Variants in USH2A observed in about 807,000 individuals in gnomAD.
USH2A encodes usherin.
In USH2A, 443 loss-of-function variants were observed where a neutral mutation model predicts 538.9. The observed-to-expected ratio is 0.82, with a 90% CI of 0.76 to 0.89. The LOEUF (loss-of-function observed/expected upper bound fraction) is 0.89, where lower values mean the gene tolerates loss of function less well. Among genes scored for constraint, USH2A ranks in the 40% least tolerant of loss-of-function variants. The pLI is 0.00. For missense variants in USH2A, 6,633 were observed against 6,324.8 expected (o/e 1.05, Z -1.65); for synonymous variants, 2,413 against 2,273.5 (o/e 1.06, Z -1.75).
chr1:215,657,016 G>A (rs1242887256), intron 64 of USH2A, among the ~76,000 whole-genome samples: 1 of 152,160 alleles, frequency 6.6e-6, no homozygotes, highest in African/African-American at 2.4e-5. Flanking sequence ...TCCCATGAGG[G>A]GGACAAATAG....
chr1:215,846,624 A>C (rs1191222199), intron 44 of USH2A, among the ~76,000 whole-genome samples: 1 of 152,184 alleles, frequency 6.6e-6, no homozygotes, highest in Admixed American at 6.5e-5. Context: ...TCCTTTAAAT[A>C]TTTTAATTTT....
At chr1:216,224,026 C>A (rs892153934) in intron 14 of USH2A, among the ~76,000 whole-genome samples, 21 of 152,286 alleles carry the variant, frequency 1.4e-4, no homozygotes, top group African/African-American at 4.6e-4. Context: ...GGTGTCCTAC[C>A]CTCTATGGAC....
In USH2A at chr1:215,647,574, G is replaced by A. The variant is rs774695239; in HGVS notation, c.14739C>T (p.Asn4913=). 7.4e-6 allele frequency: 12 copies of A among 1,614,088 alleles called. No individual in the cohort carries two copies. In the Admixed American group the frequency reaches 8.3e-5, roughly 11 times the overall value. Residue 4913 remains asparagine, a synonymous_variant, in exon 67 of 72, where the codon AAC becomes AAT. Coordinates refer to ENST00000307340, the MANE Select transcript of USH2A (RefSeq NM_206933.4). The part of the protein sequence containing the change: ...TTYKLRVVAH[N]EVGSTASEWI... Reference sequence around the variant, plus strand: ...ACTCGGAAGCCGTACTGCCCACCTCGTTGTGTGCCACCACTCTCAGCTTGT... The same window carrying A: ...ACTCGGAAGCCGTACTGCCCACCTCATTGTGTGCCACCACTCTCAGCTTGT...
At position 215,872,326 on chromosome 1, in the gene USH2A, T is replaced by G. The variant is rs7340076; in HGVS notation, c.8682-5156A>C. Among the ~76,000 whole-genome samples the G allele has an allele frequency of 7.0e-3, 1,072 of 152,312 alleles. 20 individuals are homozygous for G. Among genetic ancestry groups the G allele is most frequent in the African/African-American group, 0.025 (1,030 of 41,572 alleles). On this transcript the variant is annotated intron_variant, in intron 43 of 71. Coordinates refer to ENST00000307340, the MANE Select transcript of USH2A (RefSeq NM_206933.4). ...AAAATCTATTTGTTGATTCTAAAAA[T>G]AGTATTGAAGATTTTTGCTTCAAAA...
At position 216,041,183 on chromosome 1, in the gene USH2A, A is replaced by C. The variant is rs2030258325; in HGVS notation, c.6325+5248T>G. Among the ~76,000 whole-genome samples the C allele has an allele frequency of 2.6e-5, 4 of 152,056 alleles. No homozygotes were observed. The South Asian group carries it at 8.3e-4, about 31-fold the overall frequency. On this transcript the variant is annotated intron_variant, in intron 32 of 71. Coordinates refer to ENST00000307340, the MANE Select transcript of USH2A (RefSeq NM_206933.4). Reference sequence around the variant, plus strand: ...AAAAGTTTGACTTAAAGTGTGTGCTATTTATTATAGCAAACATCAACAGCC... The same window carrying C: ...AAAAGTTTGACTTAAAGTGTGTGCTCTTTATTATAGCAAACATCAACAGCC...
chr1:216,144,248 G>A (rs940438035), intron 21 of USH2A, among the ~76,000 whole-genome samples: 2 of 151,970 alleles, frequency 1.3e-5, no homozygotes, highest in African/African-American at 4.8e-5. Flanking sequence ...CGACCCTTTT[G>A]GAGAACAAAG....
At chr1:216,350,074 T>C (rs557812378) in intron 4 of USH2A, among the ~76,000 whole-genome samples, 1 of 152,014 alleles carries the variant, frequency 6.6e-6, no homozygotes, top group Non-Finnish European at 1.5e-5. Flanking sequence ...AGCAGGTACA[T>C]CACATGTGGA....
intron 4 of USH2A, among the ~76,000 whole-genome samples, chr1:216,337,649 A>C (rs528693613): frequency 6.6e-6 from 1 of 151,458 alleles, no homozygotes; most frequent in African/African-American, 2.4e-5. Flanking sequence ...TTTTTTTTCC[A>C]AGATTGTTAA....
chr1:216,255,391 C>A (rs950381555), intron 11 of USH2A, among the ~76,000 whole-genome samples: 1 of 152,154 alleles, frequency 6.6e-6, no homozygotes, highest in Non-Finnish European at 1.5e-5. Context: ...CTAAGTCCTG[C>A]CATATTGGGT....
At chr1:216,272,077 T>C (rs1558356065) in intron 11 of USH2A, among the ~76,000 whole-genome samples, 1 of 152,180 alleles carries the variant, frequency 6.6e-6, no homozygotes, top group South Asian at 2.1e-4. Context: ...TGTGTAGGAC[T>C]AATATTATTT....
chr1:216,149,973 C>A (rs898102812), intron 21 of USH2A, among the ~76,000 whole-genome samples: 2 of 152,258 alleles, frequency 1.3e-5, no homozygotes, highest in Non-Finnish European at 2.9e-5. Context: ...TTCCCTTAAA[C>A]TCACTCGTAT....
intron 21 of USH2A, among the ~76,000 whole-genome samples, chr1:216,146,645 C>T (rs539349312): frequency 1.4e-4 from 22 of 152,118 alleles, no homozygotes; most frequent in African/African-American, 5.1e-4. Context: ...CTCTGTGCCC[C>T]AATCCCTTAT....
At chr1:216,037,653 C>A (rs2030049266) in intron 32 of USH2A, among the ~76,000 whole-genome samples, 1 of 152,050 alleles carries the variant, frequency 6.6e-6, no homozygotes, top group Non-Finnish European at 1.5e-5. Flanking sequence ...ACAGTTTTGG[C>A]ACCCACTAAG....
intron 3 of USH2A, among the ~76,000 whole-genome samples, chr1:216,386,995 T>A (rs1181471227): frequency 6.6e-6 from 1 of 152,220 alleles, no homozygotes. Flanking sequence ...TGAAAACTCT[T>A]GACAGATCAT....
chr1:216,407,822 A>G (rs1168615253), intron 3 of USH2A, among the ~76,000 whole-genome samples: 2 of 152,142 alleles, frequency 1.3e-5, no homozygotes, highest in African/African-American at 4.8e-5. Flanking sequence ...TATAAATGAC[A>G]ATTCCATTAG....
intron 37 of USH2A, among the ~76,000 whole-genome samples, chr1:215,949,308 A>C (rs75925210): frequency 0.032 from 4,869 of 152,178 alleles, 120 homozygotes; most frequent in South Asian, 0.084. Context: ...GTAAATGGAA[A>C]AATAACACAT....
At chr1:215,809,674 A>G (rs1662608286) in intron 49 of USH2A, among the ~76,000 whole-genome samples, 1 of 152,256 alleles carries the variant, frequency 6.6e-6, no homozygotes, top group Admixed American at 6.6e-5. Flanking sequence ...ACCCACATTA[A>G]CATTTACTTG....
At chr1:216,111,566 A>G (rs2032870966) in intron 21 of USH2A, among the ~76,000 whole-genome samples, 1 of 152,090 alleles carries the variant, frequency 6.6e-6, no homozygotes, top group Non-Finnish European at 1.5e-5. Context: ...GATATGACTC[A>G]GTTTAAAAAA....
chr1:215,769,556 T>G (rs1661221743), intron 55 of USH2A, among the ~76,000 whole-genome samples: 1 of 152,182 alleles, frequency 6.6e-6, no homozygotes, highest in Admixed American at 6.5e-5. Context: ...GGTACAGCAG[T>G]AGAGCATCCA....
Sources: allele counts gnomAD v4.1 joint callset (sites outside exome capture counted in the v4.1 genomes callset), GRCh38; gene constraint gnomAD v4.1.1; transcripts MANE v1.5; gene names NCBI Gene and HGNC (gene_info 2026-07-23, HGNC 2026-07-21).